ERC2: variants seen among roughly 807,000 people sequenced by gnomAD.
The protein encoded by ERC2 is ELKS/RAB6-interacting/CAST family member 2, also known as ERC protein 2.
A neutral mutation model predicts 114.8 loss-of-function variants in ERC2; 42 were observed. The observed-to-expected ratio is 0.37, with a 90% CI of 0.29 to 0.47. The LOEUF is 0.47. Among genes scored for constraint, ERC2 ranks in the 20% least tolerant of loss-of-function variants. The pLI, the probability that ERC2 is intolerant of heterozygous loss-of-function variation, is 0.99. For missense variants in ERC2, 939 were observed against 1,150.7 expected, an observed-to-expected ratio of 0.82 and a Z score of 2.66; for synonymous variants, 454 against 425.5, an observed-to-expected ratio of 1.07 and a Z score of -0.82.
rs71099628 is a variant in ERC2, at chr3:56,252,757, C to CAAAAA, written c.1074+43257_1074+43261dup. The stretch of plus-strand genomic sequence containing the variant: ...GGGCAACAAGAGCAAAACTCTGTCT[C>CAAAAA]AAAAAAAAAAAAAAAAAAAGACATG... On this transcript the variant is annotated intron_variant, in intron 3 of 17. Transcript: ENST00000288221. Among the ~76,000 whole-genome samples the CAAAAA allele has an allele frequency of 1.1e-3, 82 of 74,158 alleles. 5 individuals are homozygous for CAAAAA. Among genetic ancestry groups the CAAAAA allele is most frequent in the Middle Eastern group, 0.015 (2 of 132 alleles). The allele number at this position is 74,158 out of a possible 152,430, so 48.7% of individuals were successfully genotyped here. A position where few individuals can be genotyped will look rare whatever the true frequency, so the allele number is the denominator to read the frequency against.
intron 6 of ERC2, among the ~76,000 whole-genome samples, chr3:56,128,815 A>G (rs1047023496): frequency 1.3e-5 from 2 of 152,160 alleles, no homozygotes; most frequent in African/African-American, 2.4e-5. Flanking sequence ...AAGGAGTCAC[A>G]CTCAGTAAAT....
chr3:56,199,474 A>G (rs953393069), intron 3 of ERC2, among the ~76,000 whole-genome samples: 2 of 151,974 alleles, frequency 1.3e-5, no homozygotes, highest in Non-Finnish European at 2.9e-5. Flanking sequence ...AGGACATTGA[A>G]TATGTTCAAG....
At chr3:55,515,800 A>G (rs1243647201) in intron 17 of ERC2, among the ~76,000 whole-genome samples, 1 of 151,920 alleles carries the variant, frequency 6.6e-6, no homozygotes, top group Non-Finnish European at 1.5e-5. Context: ...TCTCACAAAT[A>G]TTCCTTCAGA....
chr3:55,883,218 C>T (rs1353561623), intron 14 of ERC2, among the ~76,000 whole-genome samples: 1 of 152,122 alleles, frequency 6.6e-6, no homozygotes, highest in African/African-American at 2.4e-5. Flanking sequence ...AAGAAAATTC[C>T]ACTGTAAATA....
At chr3:56,394,861 T>C (rs1485943067) in intron 2 of ERC2, among the ~76,000 whole-genome samples, 2 of 152,140 alleles carry the variant, frequency 1.3e-5, no homozygotes, top group Non-Finnish European at 2.9e-5. Context: ...CCAAATCTAG[T>C]ATATTAACAG....
intron 1 of ERC2, among the ~76,000 whole-genome samples, chr3:56,457,876 C>T (rs1285303337): frequency 6.6e-6 from 1 of 152,134 alleles, no homozygotes; most frequent in East Asian, 1.9e-4. Flanking sequence ...GGAAGCCTTC[C>T]TTCATTCTTC....
chr3:56,032,533 G>GA (rs1239957800), intron 7 of ERC2, among the ~76,000 whole-genome samples: 2 of 152,104 alleles, frequency 1.3e-5, no homozygotes, highest in African/African-American at 2.4e-5. Flanking sequence ...TGAGTATTCA[G>GA]ATCCGTGAAG....
At position 55,934,914 on chromosome 3, in the gene ERC2, C is replaced by A. The variant is rs942175922; in HGVS notation, c.2403+15511G>T. 4.6e-5 allele frequency among the ~76,000 whole-genome samples: 7 copies of A among 152,086 alleles called. No individual in the cohort carries two copies. In the East Asian group the frequency reaches 9.6e-4, roughly 21 times the overall value. ...CTTCATTTCAAATAAAAAAATCATG[C>A]GGTCTGGGGGAAAAAAAGATAAGGT... On this transcript the variant is annotated intron_variant, in intron 13 of 17. Coordinates refer to ENST00000288221, the MANE Select transcript of ERC2 (RefSeq NM_015576.3).
chr3:55,812,287 C>CA (rs1205365189), intron 14 of ERC2, among the ~76,000 whole-genome samples: 1 of 152,140 alleles, frequency 6.6e-6, no homozygotes, highest in African/African-American at 2.4e-5. Context: ...CTTGCTGAAG[C>CA]AGTAAATAAA....
chr3:56,387,741 A>G (rs946239852), intron 2 of ERC2, among the ~76,000 whole-genome samples: 21 of 152,164 alleles, frequency 1.4e-4, no homozygotes, highest in African/African-American at 5.1e-4. Flanking sequence ...CCCTTCTTTC[A>G]CCTCTTTCTT....
intron 6 of ERC2, among the ~76,000 whole-genome samples, chr3:56,110,104 T>C (rs1321309621): frequency 6.6e-6 from 1 of 152,190 alleles, no homozygotes; most frequent in Non-Finnish European, 1.5e-5. Context: ...CATGGAAATA[T>C]ATTCAACCCT....
intron 17 of ERC2, among the ~76,000 whole-genome samples, chr3:55,625,717 C>G (rs1364084730): frequency 1.3e-5 from 2 of 152,046 alleles, no homozygotes; most frequent in Non-Finnish European, 2.9e-5. Context: ...CGCCACTGCA[C>G]TCCAGCCTGG....
At chr3:55,891,437 ATTTTTTT>A (rs869073962) in intron 13 of ERC2, among the ~76,000 whole-genome samples, 6 of 86,960 alleles carry the variant, frequency 6.9e-5, no homozygotes, top group East Asian at 5.0e-4. Context: ...GTCTGGTTCT[ATTTTTTT>A]TTTTTTTTTT....
At chr3:56,422,638 T>C (rs1006598402) in intron 2 of ERC2, among the ~76,000 whole-genome samples, 1 of 152,174 alleles carries the variant, frequency 6.6e-6, no homozygotes, top group African/African-American at 2.4e-5. Context: ...CTCCACTCTA[T>C]CTTAGAGCTT....
chr3:56,241,168 C>T (rs1576027818), intron 3 of ERC2, among the ~76,000 whole-genome samples: 1 of 152,046 alleles, frequency 6.6e-6, no homozygotes, highest in Admixed American at 6.6e-5. Context: ...GGACTGATAT[C>T]CAGAATCTAC....
chr3:55,988,710 A>T (rs2070821360), intron 11 of ERC2, among the ~76,000 whole-genome samples: 1 of 152,226 alleles, frequency 6.6e-6, no homozygotes, highest in South Asian at 2.1e-4. Flanking sequence ...CAAGCCAGAG[A>T]CCACAAATCT....
intron 3 of ERC2, among the ~76,000 whole-genome samples, chr3:56,283,803 A>G (rs905802613): frequency 3.3e-5 from 5 of 152,242 alleles, no homozygotes; most frequent in Non-Finnish European, 7.3e-5. Context: ...CAAGCGGTAC[A>G]AAAAGAAAGC....
chr3:56,263,443 C>T (rs115785493), intron 3 of ERC2, among the ~76,000 whole-genome samples: 11 of 151,962 alleles, frequency 7.2e-5, no homozygotes, highest in African/African-American at 2.7e-4. Context: ...ACCCATCTGT[C>T]ATCTGCCCTA....
chr3:56,405,326 C>A (rs2060673714), intron 2 of ERC2, among the ~76,000 whole-genome samples: 1 of 151,988 alleles, frequency 6.6e-6, no homozygotes, highest in Admixed American at 6.5e-5. Context: ...TGCCTATAAT[C>A]CCAGCTACTC....
Sources: gnomAD v4.1 joint callset for allele counts (sites outside exome capture counted in the v4.1 genomes callset) on GRCh38, gnomAD v4.1.1 for gene constraint, MANE v1.5 for transcripts, NCBI Gene and HGNC (gene_info 2026-07-23, HGNC 2026-07-21) for gene names.